The following PAM variants were observed in gnomAD, a reference collection of about 807,000 sequenced individuals.
The protein encoded by PAM is peptidylglycine alpha-amidating monooxygenase, also known as peptidyl-glycine alpha-amidating monooxygenase.
In PAM, 72 loss-of-function variants were observed where a neutral mutation model predicts 122.1. The ratio of observed to expected loss-of-function variants is 0.59; its 90% CI spans 0.49 to 0.72. PAM has a LOEUF of 0.72. PAM is among the 30% of genes least tolerant of loss of function. The pLI, the probability that PAM is intolerant of heterozygous loss-of-function variation, is 0.00. For synonymous variants in PAM, 389 were observed against 404.4 expected (o/e 0.96, Z 0.46); for missense variants, 1,106 against 1,183.7 (o/e 0.93, Z 0.96).
At chr5:102,874,292 C>G (rs1788449606) in intron 3 of PAM, among the ~76,000 whole-genome samples, 1 of 152,106 alleles carries the variant, frequency 6.6e-6, no homozygotes, top group African/African-American at 2.4e-5. Context: ...CGGCAAGTGT[C>G]AAGTATATGA....
At chr5:102,811,861 A>C (rs1273525768) in intron 1 of PAM, among the ~76,000 whole-genome samples, 4 of 152,240 alleles carry the variant, frequency 2.6e-5, no homozygotes, top group Non-Finnish European at 5.9e-5. Context: ...TGTTTCACCA[A>C]CTCAAATGTT....
In PAM at chr5:103,017,386, T is replaced by C. The variant is rs750515091; in HGVS notation, c.2384T>C (p.Ile795Thr). 1.3e-5 allele frequency: 21 copies of C among 1,612,158 alleles called. No individual in the cohort carries two copies. Among genetic ancestry groups the C allele is most frequent in the Admixed American group, 6.7e-5 (4 of 60,008 alleles). Residue 795 changes from isoleucine (I) to threonine (T), a missense_variant, in exon 22 of 26, where the codon ATT becomes ACT. Coordinates refer to ENST00000438793, the MANE Select transcript of PAM (RefSeq NM_001177306.2). Reference sequence around the variant, plus strand: ...GCATCTGAAGATGGGACTGTGTACATTGGAGATGCTCATACCAACACCGTG... The same window carrying C: ...GCATCTGAAGATGGGACTGTGTACACTGGAGATGCTCATACCAACACCGTG... ...IVASEDGTVY[I>T]GDAHTNTVWK... is the part of the protein sequence containing the mutation.
chr5:102,856,452 C>G (rs1270778331), intron 1 of PAM, among the ~76,000 whole-genome samples: 1 of 152,150 alleles, frequency 6.6e-6, no homozygotes, highest in East Asian at 1.9e-4. Flanking sequence ...CTTGACAGTT[C>G]AGTCTTTAGA....
intron 21 of PAM, among the ~76,000 whole-genome samples, chr5:103,016,823 A>G (rs1341825257): frequency 6.6e-6 from 1 of 152,198 alleles, no homozygotes; most frequent in East Asian, 1.9e-4. Context: ...TAAATGTCCC[A>G]AATCTCTGAA....
At chr5:102,949,863 CTTA>C (rs1189249631) in intron 10 of PAM, 36 bp from the exon 11 acceptor site, 5 of 1,074,790 alleles carry the variant, frequency 4.7e-6, no homozygotes, top group Non-Finnish European at 7.1e-6. Flanking sequence ...TTTCTAATAC[CTTA>C]TTATATTAAA....
At chr5:102,939,235 C>T (rs1030836448) in intron 7 of PAM, among the ~76,000 whole-genome samples, 1 of 152,196 alleles carries the variant, frequency 6.6e-6, no homozygotes, top group South Asian at 2.1e-4. Context: ...TTCTTTTCAT[C>T]CAGTTTGGAA....
intron 23 of PAM, among the ~76,000 whole-genome samples, chr5:103,023,939 G>T (rs1784303057): frequency 6.6e-6 from 1 of 152,040 alleles, no homozygotes; most frequent in African/African-American, 2.4e-5. Flanking sequence ...TAAATGATTT[G>T]GGAAACATTT....
intron 4 of PAM, among the ~76,000 whole-genome samples, chr5:102,908,229 A>T (rs1800204300): frequency 6.6e-6 from 1 of 152,026 alleles, no homozygotes; most frequent in Admixed American, 6.6e-5. Context: ...TTAAATAGGG[A>T]GTCCTTTCCC....
At chr5:102,870,705 T>C (rs970111187) in intron 3 of PAM, among the ~76,000 whole-genome samples, 10 of 152,216 alleles carry the variant, frequency 6.6e-5, no homozygotes, top group African/African-American at 2.2e-4. Flanking sequence ...TAGGTGTTTT[T>C]CCAGCCTTTG....
At chr5:102,764,071 G>A (rs947274925) in intron 1 of PAM, among the ~76,000 whole-genome samples, 12 of 151,864 alleles carry the variant, frequency 7.9e-5, no homozygotes, top group African/African-American at 2.9e-4. Flanking sequence ...TGTTTTGGGG[G>A]GAATACCATT....
intron 17 of PAM, 79 bp downstream of exon 17, chr5:103,003,228 G>A (rs1307537538): frequency 1.3e-5 from 9 of 690,836 alleles, no homozygotes; most frequent in South Asian, 1.9e-5. Context: ...CTTGAAATTC[G>A]AGTGTTTTGT....
At chr5:102,767,056 G>C (rs1039003800) in intron 1 of PAM, among the ~76,000 whole-genome samples, 4 of 149,554 alleles carry the variant, frequency 2.7e-5, no homozygotes, top group Non-Finnish European at 5.9e-5. Context: ...TTTCTGGAAG[G>C]CCACATGTGG....
intron 15 of PAM, among the ~76,000 whole-genome samples, chr5:102,983,662 A>G (rs1413801989): frequency 1.3e-5 from 2 of 152,154 alleles, no homozygotes; most frequent in Non-Finnish European, 1.5e-5. Context: ...AAAGAGATAC[A>G]GATATCCAGA....
At position 102,974,675 on chromosome 5, in the gene PAM, C is replaced by T. The variant is rs1251814955; in HGVS notation, c.1483+239C>T. ...CTGTTCTATTGGTGAGCCAGAACTA[C>T]AAGGACCAAAAAATATTTGGATCAT... On this transcript the variant is annotated intron_variant, in intron 15 of 25. Transcript: ENST00000438793. The T allele has an allele frequency of 2.4e-5, 8 of 333,368 alleles. No homozygotes were observed. In the East Asian group the frequency reaches 3.8e-4, roughly 16 times the overall value. The allele number at this position is 333,368 out of a possible 1,614,324, so 20.7% of individuals were successfully genotyped here.
Position 102,886,140 on chromosome 5 carries a change from A to G in PAM, c.211-15216A>G, listed in dbSNP as rs183181188. On this transcript the variant is annotated intron_variant, in intron 3 of 25. Transcript: ENST00000438793. ...GCAAATCCTCCAGAAGATATTTATC[A>G]TGGTTAAGAATTTATAGAGAATAGA... Among the ~76,000 whole-genome samples, 230 of 152,182 alleles carry G rather than the reference A, an allele frequency of 1.5e-3. 2 individuals carry two copies. Among genetic ancestry groups the G allele is most frequent in the Non-Finnish European group, 2.7e-3 (182 of 67,976 alleles).
At chr5:103,018,683 A>C (rs2151259196) in intron 22 of PAM, among the ~76,000 whole-genome samples, 1 of 152,330 alleles carries the variant, frequency 6.6e-6, no homozygotes, top group Admixed American at 6.5e-5. Flanking sequence ...CAAATGCAAA[A>C]ATACTTTGAA....
intron 1 of PAM, among the ~76,000 whole-genome samples, chr5:102,796,110 G>A (rs1162821673): frequency 6.6e-6 from 1 of 152,128 alleles, no homozygotes; most frequent in East Asian, 1.9e-4. Flanking sequence ...AAGAGGCACT[G>A]GACATTTGTA....
intron 3 of PAM, among the ~76,000 whole-genome samples, chr5:102,886,059 A>G (rs1021846604): frequency 2.0e-5 from 3 of 152,014 alleles, no homozygotes; most frequent in African/African-American, 4.8e-5. Flanking sequence ...AAAAATATCA[A>G]TTGTCAAAAA....
At chr5:102,961,725 G>T (rs1411730047) in intron 14 of PAM, among the ~76,000 whole-genome samples, 2 of 151,802 alleles carry the variant, frequency 1.3e-5, no homozygotes, top group Non-Finnish European at 2.9e-5. Context: ...CTATAGTTTT[G>T]TGTTAAGTTG....
Sources: gnomAD v4.1 joint callset for allele counts (sites outside exome capture counted in the v4.1 genomes callset) on GRCh38, gnomAD v4.1.1 for gene constraint, MANE v1.5 for transcripts, NCBI Gene and HGNC (gene_info 2026-07-23, HGNC 2026-07-21) for gene names.